Variants in PRICKLE1 observed in about 807,000 individuals in gnomAD.
PRICKLE1 encodes prickle planar cell polarity protein 1, also known as prickle-like protein 1.
PRICKLE1 carries 14 observed loss-of-function variants against 70.2 expected under a neutral mutation model. The ratio of observed to expected loss-of-function variants is 0.20; its 90% CI spans 0.13 to 0.31. The LOEUF is 0.31. Ranked by LOEUF, PRICKLE1 falls within the 10% of genes least tolerant of loss-of-function variation. The probability of loss-of-function intolerance (pLI) is 1.00; values close to 1 mark genes in which losing one functional copy is unlikely to be tolerated. For missense variants in PRICKLE1, 821 were observed against 1,026.2 expected (o/e 0.80, Z 2.73); for synonymous variants, 357 against 379.9 (o/e 0.94, Z 0.70).
In PRICKLE1 at chr12:42,457,956, C is replaced by T. The variant is rs1937641895; in HGVS notation, c.*1853G>A. 6.6e-6 allele frequency: 1 copy of T among 152,214 alleles called. No homozygotes were observed. The highest frequency in any genetic ancestry group is 2.4e-5 in the African/African-American group (1 of 41,456). The allele number at this position is 152,214 out of a possible 1,614,324, so 9.4% of individuals were successfully genotyped here. Reference sequence around the variant, plus strand: ...TTTTTTTGTCATGTGTATGCACTTCCTTTTCATTGCTGATGGTTTTTTAAA... The same window carrying T: ...TTTTTTTGTCATGTGTATGCACTTCTTTTTCATTGCTGATGGTTTTTTAAA... On this transcript the variant is annotated 3_prime_UTR_variant, in exon 8 of 8. Coordinates refer to ENST00000345127, the MANE Select transcript of PRICKLE1 (RefSeq NM_153026.3).
chr12:42,469,007 G>A (rs145854513), intron 4 of PRICKLE1, among the ~76,000 whole-genome samples, 178 bp from the exon 5 acceptor site: 115 of 152,252 alleles, frequency 7.6e-4, no homozygotes, highest in African/African-American at 2.5e-3. Context: ...TGTAAGGCAC[G>A]TGTCTCAGAC....
intron 1 of PRICKLE1, among the ~76,000 whole-genome samples, chr12:42,584,187 C>G (rs920127068): frequency 9.9e-5 from 15 of 152,036 alleles, no homozygotes; most frequent in Admixed American, 4.6e-4. Context: ...TGAGATCTCT[C>G]TACCTTTTTA....
At chr12:42,545,709 G>A (rs566784798) in intron 1 of PRICKLE1, among the ~76,000 whole-genome samples, 3 of 152,070 alleles carry the variant, frequency 2.0e-5, no homozygotes, top group Non-Finnish European at 4.4e-5. Flanking sequence ...AATTAGCTGG[G>A]CATGGTGGCA....
chr12:42,559,620 A>ATT (rs199807403), intron 1 of PRICKLE1, among the ~76,000 whole-genome samples: 33 of 63,562 alleles, frequency 5.2e-4, no homozygotes, highest in Admixed American at 1.8e-3. Context: ...ATATATATAT[A>ATT]TATATTTTTT....
chr12:42,559,606 G>GTATA lies in PRICKLE1; in HGVS notation c.-49+29855_-49+29858dup, dbSNP rs1202538313. On this transcript the variant is annotated intron_variant, in intron 1 of 7. Transcript: ENST00000345127. The stretch of plus-strand genomic sequence containing the variant: ...TGTGTTTATGTGTGTGTGTGTGTGT[G>GTATA]TATATATATATATATATATTTTTTT... 2.8e-3 allele frequency among the ~76,000 whole-genome samples: 313 copies of GTATA among 110,682 alleles called. 1 individual carries two copies. Among genetic ancestry groups the GTATA allele is most frequent in the Middle Eastern group, 5.1e-3 (1 of 198 alleles). 72.6% of individuals were successfully genotyped at this position (110,682 alleles called of 152,430 possible).
chr12:42,486,806 A>G (rs531491406), intron 1 of PRICKLE1, among the ~76,000 whole-genome samples: 8 of 152,358 alleles, frequency 5.3e-5, no homozygotes, highest in Admixed American at 3.9e-4. Context: ...AACTACTGTA[A>G]GTTCCAGCAA....
chr12:42,480,864 G>A (rs920961501), intron 1 of PRICKLE1, among the ~76,000 whole-genome samples: 5 of 152,142 alleles, frequency 3.3e-5, no homozygotes, highest in Non-Finnish European at 7.4e-5. Context: ...ATCACTACAG[G>A]CAATGGGAAG....
At chr12:42,553,864 A>G (rs1347852862) in intron 1 of PRICKLE1, among the ~76,000 whole-genome samples, 1 of 152,180 alleles carries the variant, frequency 6.6e-6, no homozygotes, top group Non-Finnish European at 1.5e-5. Flanking sequence ...GCACTTTGGG[A>G]GGCTGAGACG....
intron 1 of PRICKLE1, among the ~76,000 whole-genome samples, chr12:42,472,827 G>A (rs1039716815): frequency 3.3e-5 from 5 of 152,144 alleles, no homozygotes. Flanking sequence ...CCTTTAAAAG[G>A]TGCCTCTCTA....
At chr12:42,517,306 ATTTTTTTTT>A (rs71794718) in intron 1 of PRICKLE1, among the ~76,000 whole-genome samples, 5 of 88,956 alleles carry the variant, frequency 5.6e-5, no homozygotes, top group Admixed American at 1.6e-4. Context: ...TCAGTCTGCC[ATTTTTTTTT>A]TTTTTTTTTT....
chr12:42,521,968 GTGTT>G (rs1430487176), intron 1 of PRICKLE1, among the ~76,000 whole-genome samples: 2 of 68,228 alleles, frequency 2.9e-5, no homozygotes, highest in African/African-American at 4.6e-5. Flanking sequence ...GTGTGTGTGT[GTGTT>G]TAACTTCTTT....
chr12:42,589,549 G>C lies in PRICKLE1; in HGVS notation c.-133C>G, dbSNP rs914510508. On this transcript the variant is annotated 5_prime_UTR_variant, in exon 1 of 8. Coordinates refer to ENST00000345127, the MANE Select transcript of PRICKLE1 (RefSeq NM_153026.3). This position sits in a 1 kb window ranked among gnomAD's most constrained non-coding sequence, Gnocchi z 5.0. ...GGCTGCGGGGCTGCGGGGCTGAGGA[G>C]CTGCGGTCCGCGGCGTCAGGGGTGG... The C allele has an allele frequency of 3.2e-5, 5 of 154,600 alleles. No individual in the cohort carries two copies. Among genetic ancestry groups the C allele is most frequent in the Non-Finnish European group, 7.2e-5 (5 of 69,522 alleles). The allele number at this position is 154,600 out of a possible 1,614,324, so 9.6% of individuals were successfully genotyped here. A position where few individuals can be genotyped will look rare whatever the true frequency, so the allele number is the denominator to read the frequency against.
intron 1 of PRICKLE1, among the ~76,000 whole-genome samples, chr12:42,514,727 T>C (rs191883396): frequency 7.7e-4 from 117 of 152,194 alleles, no homozygotes; most frequent in Non-Finnish European, 1.0e-3. Context: ...AAGCACATCG[T>C]TTAAAAACCA....
intron 1 of PRICKLE1, among the ~76,000 whole-genome samples, chr12:42,499,971 G>A (rs377315645): frequency 2.0e-5 from 3 of 151,610 alleles, no homozygotes; most frequent in Admixed American, 6.6e-5. Flanking sequence ...GGCTGGTCTC[G>A]GACTCCTGAC....
chr12:42,527,515 C>G (rs1939827259), intron 1 of PRICKLE1, among the ~76,000 whole-genome samples: 1 of 152,194 alleles, frequency 6.6e-6, no homozygotes, highest in South Asian at 2.1e-4. Flanking sequence ...CAAAAATCCA[C>G]TTAGCAGGCA....
chr12:42,557,234 T>C (rs534964781), intron 1 of PRICKLE1, among the ~76,000 whole-genome samples: 3 of 152,264 alleles, frequency 2.0e-5, no homozygotes, highest in African/African-American at 7.2e-5. Context: ...TAAAATAAAG[T>C]CAGTTTATTC....
At position 42,459,111 on chromosome 12, in the gene PRICKLE1, C is replaced by T. The variant is rs1366021818; in HGVS notation, c.*698G>A. On this transcript the variant is annotated 3_prime_UTR_variant, in exon 8 of 8. Transcript: ENST00000345127. Reference sequence around the variant, plus strand: ...TTCCCTGGCAAATCTAGCACTGCAGCGTAACAAACGGCTTACAATTCAGGG... The same window carrying T: ...TTCCCTGGCAAATCTAGCACTGCAGTGTAACAAACGGCTTACAATTCAGGG... 8.1e-6 allele frequency: 4 copies of T among 494,498 alleles called. No homozygotes were observed. The highest frequency in any genetic ancestry group is 3.9e-5 in the South Asian group (1 of 25,896). The allele number at this position is 494,498 out of a possible 1,614,324, so 30.6% of individuals were successfully genotyped here.
rs1359965296 is a variant in PRICKLE1 at position 42,470,314 on chromosome 12, C to G, written c.178G>C (p.Val60Leu). The G allele has an allele frequency of 6.2e-7, 1 of 1,614,098 alleles. No individual in the cohort carries two copies. The highest frequency in any genetic ancestry group is 8.5e-7 in the Non-Finnish European group (1 of 1,179,986). ...CGATGCTTCTCTCCGGGGCTGTTAA[C>G]GTAAGGAACTTTTTCCTCTGGTAAG... ...ACLPEEKVPY[V>L]NSPGEKHRIK... The change falls in exon 3 of 8, where the codon GTT becomes CTT. Residue 60 changes from valine to leucine, a missense_variant. Val to Leu is a conservative substitution (Grantham distance 32). Transcript: ENST00000345127.
intron 1 of PRICKLE1, among the ~76,000 whole-genome samples, chr12:42,569,200 A>G (rs1200485544): frequency 1.3e-5 from 2 of 152,222 alleles, no homozygotes; most frequent in African/African-American, 4.8e-5. Flanking sequence ...TAAAATGTAA[A>G]GTTAAAACAG....
Sources: gnomAD v4.1 joint callset for allele counts (sites outside exome capture counted in the v4.1 genomes callset) on GRCh38, gnomAD v4.1.1 for gene constraint, Gnocchi (gnomAD v3.1) non-coding constraint, MANE v1.5 for transcripts, NCBI Gene and HGNC (gene_info 2026-07-23, HGNC 2026-07-21) for gene names.